The following NAV1 variants were observed in gnomAD, a reference collection of about 807,000 sequenced individuals.
NAV1 encodes the protein pore membrane and/or filament interacting like protein 3.
NAV1 carries 18 observed loss-of-function variants against 175.2 expected under a neutral mutation model. That is an observed-to-expected ratio of 0.10 (90% CI 0.07 to 0.15). NAV1 has a LOEUF of 0.15. Ranked by LOEUF, NAV1 falls within the 10% of genes least tolerant of loss-of-function variation. The pLI, the probability that NAV1 is intolerant of heterozygous loss-of-function variation, is 1.00. For missense variants in NAV1, 1,731 were observed against 2,436.6 expected (o/e 0.71, Z 6.10); for synonymous variants, 897 against 978.7 (o/e 0.92, Z 1.56).
At chr1:201,672,155 C>T (rs1204888584) in intron 1 of NAV1, among the ~76,000 whole-genome samples, 1 of 152,186 alleles carries the variant, frequency 6.6e-6, no homozygotes, top group African/African-American at 2.4e-5. Flanking sequence ...TTTTCTCCCA[C>T]CTTGATCCTC....
chr1:201,659,010 C>G (rs558462020), intron 1 of NAV1, among the ~76,000 whole-genome samples: 74 of 152,258 alleles, frequency 4.9e-4, no homozygotes, highest in Middle Eastern at 3.4e-3. Context: ...TTGATTAGGC[C>G]CTACTGTGTG....
At chr1:201,646,529 G>A (rs1485337518), upstream of NAV1, among the ~76,000 whole-genome samples, 1 of 152,222 alleles carries the variant, frequency 6.6e-6, no homozygotes, top group Admixed American at 6.5e-5. Flanking sequence ...AGTTCCTCAA[G>A]GACAGAATCG....
intron 1 of NAV1, among the ~76,000 whole-genome samples, chr1:201,652,159 G>C (rs937795694): frequency 6.6e-6 from 1 of 150,810 alleles, no homozygotes; most frequent in Non-Finnish European, 1.5e-5. Flanking sequence ...CTGGGCATTT[G>C]TCCCCACCTC....
intron 1 of NAV1, among the ~76,000 whole-genome samples, 170 bp from the exon 2 acceptor site, chr1:201,588,369 A>T (rs1183916849): frequency 1.3e-5 from 2 of 152,178 alleles, no homozygotes; most frequent in Non-Finnish European, 2.9e-5. Context: ...TTTTTAAGAG[A>T]TAGGGTCTTG....
intron 1 of NAV1, among the ~76,000 whole-genome samples, chr1:201,684,782 CT>C (rs1340364625): frequency 6.6e-6 from 1 of 151,120 alleles, no homozygotes; most frequent in Non-Finnish European, 1.5e-5. Context: ...GCCTATGCAG[CT>C]TTAAAAAACC....
intron 1 of NAV1, among the ~76,000 whole-genome samples, chr1:201,655,163 G>C (rs2102343929): frequency 6.6e-6 from 1 of 152,212 alleles, no homozygotes; most frequent in African/African-American, 2.4e-5. Context: ...CTCTCCACCT[G>C]GACCCCACTG....
chr1:201,694,238 C>A lies in NAV1; in HGVS notation c.758-18579C>A, dbSNP rs1671090270. On this transcript the variant is annotated intron_variant, in intron 1 of 29. Transcript: ENST00000367296. The surrounding 1 kb of genome is among the most constrained non-coding windows in gnomAD (Gnocchi z 4.2). ...GTCATCACAGTCATCACTGAGAACT[C>A]CCCCAGTTGGGGTGTAGAGGCATAG... 1.3e-5 allele frequency among the ~76,000 whole-genome samples: 2 copies of A among 152,174 alleles called. No homozygotes were observed. The highest frequency in any genetic ancestry group is 6.5e-5 in the Admixed American group (1 of 15,290).
intron 3 of NAV1, among the ~76,000 whole-genome samples, chr1:201,742,225 T>C (rs1673470987): frequency 6.6e-6 from 1 of 152,152 alleles, no homozygotes; most frequent in South Asian, 2.1e-4. Flanking sequence ...TAAATGATGT[T>C]AGGCTGAGGC....
At chr1:201,795,334 A>G (rs982652479) in intron 15 of NAV1, 2 of 152,100 alleles carry the variant, frequency 1.3e-5, no homozygotes, top group Non-Finnish European at 2.9e-5. Flanking sequence ...TATTCATCCA[A>G]TACTTATTTA....
At chr1:201,702,107 A>G (rs554811433) in intron 1 of NAV1, among the ~76,000 whole-genome samples, 1 of 152,334 alleles carries the variant, frequency 6.6e-6, no homozygotes, top group South Asian at 2.1e-4. Context: ...ACGTTGTGCT[A>G]AGTGGAAGAA....
At chr1:201,594,975 C>T (rs1667312626) in intron 2 of NAV1, among the ~76,000 whole-genome samples, 1 of 152,246 alleles carries the variant, frequency 6.6e-6, no homozygotes, top group Non-Finnish European at 1.5e-5. Flanking sequence ...AGGTGCTTTG[C>T]TCTTGTGCCT....
intron 1 of NAV1, among the ~76,000 whole-genome samples, chr1:201,657,653 G>A (rs533536288): frequency 3.3e-5 from 5 of 152,282 alleles, no homozygotes; most frequent in South Asian, 4.1e-4. Flanking sequence ...GGCACCTGGC[G>A]GGGCTTTCTC....
intron 1 of NAV1, among the ~76,000 whole-genome samples, chr1:201,545,383 T>C (rs989886527): frequency 6.6e-6 from 1 of 151,644 alleles, no homozygotes; most frequent in Non-Finnish European, 1.5e-5. Flanking sequence ...ATTAATTTAT[T>C]TATTTTTATT....
intron 2 of NAV1, among the ~76,000 whole-genome samples, chr1:201,607,374 C>T (rs552503382): frequency 6.6e-6 from 1 of 151,936 alleles, no homozygotes; most frequent in East Asian, 1.9e-4. Context: ...CTCGGCCTCC[C>T]AAAATGCTGG....
intron 2 of NAV1, among the ~76,000 whole-genome samples, chr1:201,716,202 C>T (rs1672135221): frequency 6.6e-6 from 1 of 152,198 alleles, no homozygotes; most frequent in South Asian, 2.1e-4. Flanking sequence ...CCGCCACCCT[C>T]TTAGTATGGT....
At chr1:201,823,582 A>G (rs1291349551) in exon 30 of NAV1, 1 of 152,234 alleles carries the variant, frequency 6.6e-6, no homozygotes, top group East Asian at 1.9e-4. Flanking sequence ...GGCAGGGAAG[A>G]CAAATCTGCT....
At chr1:201,684,529 C>T (rs865860178) in intron 1 of NAV1, among the ~76,000 whole-genome samples, 6 of 143,334 alleles carry the variant, frequency 4.2e-5, no homozygotes, top group South Asian at 2.3e-4. Context: ...GGCTGGAGTG[C>T]AATGGCTTGA....
At chr1:201,680,398 C>A (rs576821242) in intron 1 of NAV1, among the ~76,000 whole-genome samples, 234 of 152,052 alleles carry the variant, frequency 1.5e-3, no homozygotes, top group Non-Finnish European at 2.4e-3. Flanking sequence ...CCCAGCTACT[C>A]GGGAGGCTGA....
At position 201,812,727 on chromosome 1, in the gene NAV1, G is replaced by T; in HGVS notation, c.5221+66G>T. On this transcript the variant is annotated intron_variant, in intron 27 of 29. Coordinates refer to ENST00000367296, the Ensembl canonical transcript of NAV1. The surrounding 1 kb of genome is among the most constrained non-coding windows in gnomAD (Gnocchi z 4.6). ...TCCCTTTTCCACTGTACCACCTGGAGGGATGCTCCCTTCTCTTCCTGGAGT... is the reference window on the plus strand; with the variant it reads ...TCCCTTTTCCACTGTACCACCTGGATGGATGCTCCCTTCTCTTCCTGGAGT... 7.1e-7 allele frequency: 1 copy of T among 1,402,982 alleles called. No individual in the cohort carries two copies. Among genetic ancestry groups the T allele is most frequent in the Non-Finnish European group, 1.0e-6 (1 of 998,690 alleles). 86.9% of individuals were successfully genotyped at this position (1,402,982 alleles called of 1,614,324 possible).
Sources: allele counts gnomAD v4.1 joint callset (sites outside exome capture counted in the v4.1 genomes callset), GRCh38; gene constraint gnomAD v4.1.1; non-coding constraint Gnocchi (gnomAD v3.1); transcripts MANE v1.5; gene names NCBI Gene and HGNC (gene_info 2026-07-23, HGNC 2026-07-21).